The following GALNT13 variants were observed in gnomAD, a reference collection of about 807,000 sequenced individuals.
GALNT13 encodes the protein polypeptide N-acetylgalactosaminyltransferase 13.
In GALNT13, 28 loss-of-function variants were observed where a neutral mutation model predicts 64.2. The ratio of observed to expected loss-of-function variants is 0.44; its 90% confidence interval spans 0.32 to 0.60. GALNT13 has a LOEUF of 0.60. Among genes scored for constraint, GALNT13 ranks in the 20% least tolerant of loss-of-function variants. The pLI, the probability that GALNT13 is intolerant of heterozygous loss-of-function variation, is 0.05. For missense variants in GALNT13, 577 were observed against 669.8 expected, an observed-to-expected ratio of 0.86 and a Z score of 1.53; for synonymous variants, 214 against 224.6, an observed-to-expected ratio of 0.95 and a Z score of 0.42.
intron 3 of GALNT13, among the ~76,000 whole-genome samples, chr2:154,133,576 ATATATAT>A (rs1156339622): frequency 9.4e-4 from 85 of 90,248 alleles, no homozygotes; most frequent in African/African-American, 3.5e-3. Flanking sequence ...ATATATATAT[ATATATAT>A]ATCTGAGATG....
At chr2:153,217,467 G>A in the GALNT13 span, among the ~76,000 whole-genome samples, 1 of 152,036 alleles carries the variant, frequency 6.6e-6, no homozygotes, top group African/African-American at 2.4e-5. Flanking sequence ...GTGCATGTTA[G>A]ATGGTTTGAT....
At chr2:154,332,538 G>T (rs190824454) in intron 9 of GALNT13, among the ~76,000 whole-genome samples, 1 of 152,044 alleles carries the variant, frequency 6.6e-6, no homozygotes, top group Non-Finnish European at 1.5e-5. Context: ...TTCTTTATGG[G>T]ACCCATTTGT....
intron 9 of GALNT13, among the ~76,000 whole-genome samples, chr2:154,341,285 G>A (rs1042162817): frequency 1.3e-5 from 2 of 152,056 alleles, no homozygotes; most frequent in African/African-American, 4.8e-5. Flanking sequence ...GAGAGCCATA[G>A]TGAAACAGGT....
rs1182038250 is a variant in GALNT13, at chr2:154,298,772, ATAT to A, written c.976-2635_976-2633del. Among the ~76,000 whole-genome samples the A allele has an allele frequency of 2.0e-3, 243 of 121,764 alleles. 74 individuals carry two copies. The highest frequency in any genetic ancestry group is 2.8e-3 in the African/African-American group (88 of 31,916). The allele number at this position is 121,764 out of a possible 152,430, so 79.9% of individuals were successfully genotyped here. ...AATATATATACTATATATAAATTAT[ATAT>A]TTATTTATATATTATATTATTTATA... On this transcript the variant is annotated intron_variant, in intron 8 of 12. Transcript: ENST00000392825.
chr2:153,269,901 A>G, the GALNT13 span, among the ~76,000 whole-genome samples: 1 of 152,146 alleles, frequency 6.6e-6, no homozygotes, highest in South Asian at 2.1e-4. Flanking sequence ...TAAGAACAGT[A>G]TGGGGGAAAC....
At chr2:153,697,049 G>T in the GALNT13 span, among the ~76,000 whole-genome samples, 1 of 152,138 alleles carries the variant, frequency 6.6e-6, no homozygotes, top group South Asian at 2.1e-4. Flanking sequence ...AAGCCTTTAT[G>T]TGTTTCCCTG....
chr2:154,400,003 G>C (rs1009640666), intron 10 of GALNT13, among the ~76,000 whole-genome samples: 1 of 152,088 alleles, frequency 6.6e-6, no homozygotes, highest in Admixed American at 6.6e-5. Flanking sequence ...TAGCCTTAAA[G>C]AAATGCAATC....
chr2:153,792,929 T>G, the GALNT13 span, among the ~76,000 whole-genome samples: 1 of 152,064 alleles, frequency 6.6e-6, no homozygotes, highest in Admixed American at 6.6e-5. Flanking sequence ...TTTATTTAAT[T>G]CAACTTTGGC....
the GALNT13 span, among the ~76,000 whole-genome samples, chr2:153,734,301 C>T: frequency 6.6e-6 from 1 of 152,092 alleles, no homozygotes; most frequent in Non-Finnish European, 1.5e-5. Context: ...GTGAACTCTT[C>T]CTGATAGTAT....
At chr2:154,334,189 A>G (rs1695317803) in intron 9 of GALNT13, among the ~76,000 whole-genome samples, 1 of 152,042 alleles carries the variant, frequency 6.6e-6, no homozygotes, top group South Asian at 2.1e-4. Context: ...GAAATACAAT[A>G]CTTTGTTCAT....
chr2:154,411,422 GA>G (rs1411685541), intron 11 of GALNT13, among the ~76,000 whole-genome samples: 1 of 151,316 alleles, frequency 6.6e-6, no homozygotes, highest in Non-Finnish European at 1.5e-5. Flanking sequence ...TATTTACCAA[GA>G]GGGGAATGGT....
chr2:154,104,960 A>C (rs1702536544), intron 3 of GALNT13, among the ~76,000 whole-genome samples: 1 of 152,110 alleles, frequency 6.6e-6, no homozygotes, highest in South Asian at 2.1e-4. Flanking sequence ...AGAAGTTCTC[A>C]AACTGCCACA....
At chr2:154,379,093 A>G (rs1364864810) in intron 9 of GALNT13, among the ~76,000 whole-genome samples, 3 of 152,144 alleles carry the variant, frequency 2.0e-5, no homozygotes, top group Non-Finnish European at 4.4e-5. Context: ...TGCTTAATAA[A>G]TGATGCTAGC....
chr2:154,201,531 G>T (rs79545428), intron 4 of GALNT13, among the ~76,000 whole-genome samples: 1 of 151,984 alleles, frequency 6.6e-6, no homozygotes, highest in Non-Finnish European at 1.5e-5. Context: ...AGTGTCATGC[G>T]ATTGGGCCCC....
At chr2:154,337,800 GTGGT>G (rs767427540) in intron 9 of GALNT13, among the ~76,000 whole-genome samples, 5 of 151,762 alleles carry the variant, frequency 3.3e-5, no homozygotes, top group Non-Finnish European at 5.9e-5. Context: ...TAAAGACCAG[GTGGT>G]CTTTATGTCT....
chr2:153,408,688 CT>C, the GALNT13 span, among the ~76,000 whole-genome samples: 2 of 151,086 alleles, frequency 1.3e-5, no homozygotes, highest in Non-Finnish European at 3.0e-5. Context: ...AAGGATGGGC[CT>C]TTTGCAAAAA....
the GALNT13 span, among the ~76,000 whole-genome samples, chr2:153,716,774 TA>T: frequency 6.6e-6 from 1 of 152,090 alleles, no homozygotes; most frequent in Non-Finnish European, 1.5e-5. Flanking sequence ...CTGTGAGTGG[TA>T]AAACTACTCT....
chr2:153,315,843 A>T, the GALNT13 span, among the ~76,000 whole-genome samples: 1 of 152,212 alleles, frequency 6.6e-6, no homozygotes, highest in South Asian at 2.1e-4. Flanking sequence ...TAAACTTCTT[A>T]TTCATATTAA....
intron 3 of GALNT13, among the ~76,000 whole-genome samples, chr2:153,969,324 A>G (rs899913018): frequency 9.2e-5 from 14 of 152,020 alleles, no homozygotes; most frequent in Non-Finnish European, 1.9e-4. Context: ...CTTCAATTAG[A>G]AAAACTTAAA....
Sources: gnomAD v4.1 joint callset for allele counts (sites outside exome capture counted in the v4.1 genomes callset) on GRCh38, gnomAD v4.1.1 for gene constraint, MANE v1.5 for transcripts, NCBI Gene and HGNC (gene_info 2026-07-23, HGNC 2026-07-21) for gene names.